The following LRP1B variants were observed in gnomAD, a reference collection of about 807,000 sequenced individuals.
The protein encoded by LRP1B is low-density lipoprotein receptor-related protein 1B.
Under a neutral mutation model 556.6 loss-of-function variants are expected in LRP1B, and 217 were observed. The ratio of observed to expected loss-of-function variants is 0.39; its 90% confidence interval spans 0.35 to 0.44. LRP1B has a LOEUF of 0.44. Ranked by LOEUF, LRP1B falls within the 20% of genes least tolerant of loss-of-function variation. The pLI, the probability that LRP1B is intolerant of heterozygous loss-of-function variation, is 1.00. For missense variants in LRP1B, 5,053 were observed against 5,620.8 expected, an observed-to-expected ratio of 0.90 and a Z score of 3.23; for synonymous variants, 2,047 against 1,865.8, an observed-to-expected ratio of 1.10 and a Z score of -2.50.
intron 27 of LRP1B, among the ~76,000 whole-genome samples, chr2:140,861,761 A>C (rs1336554779): frequency 6.6e-6 from 1 of 152,190 alleles, no homozygotes; most frequent in East Asian, 1.9e-4. Context: ...CTCTCACTAA[A>C]ATTATCACTG....
intron 3 of LRP1B, among the ~76,000 whole-genome samples, chr2:141,426,314 T>G (rs7421489): frequency 0.83 from 126,001 of 151,560 alleles, 52,868 homozygotes; most frequent in East Asian, 1. Flanking sequence ...TGCTGTTTTA[T>G]TTACTGTAGC....
At chr2:141,861,800 G>C (rs951221859) in intron 1 of LRP1B, among the ~76,000 whole-genome samples, 2 of 151,934 alleles carry the variant, frequency 1.3e-5, no homozygotes, top group African/African-American at 2.4e-5. Context: ...CATGATGGCA[G>C]GTGCCTATAG....
chr2:140,547,295 G>A (rs776280991), intron 43 of LRP1B, among the ~76,000 whole-genome samples: 2 of 151,692 alleles, frequency 1.3e-5, no homozygotes, highest in African/African-American at 2.4e-5. Context: ...GGTTTTTTTT[G>A]GTTGGTGGGC....
chr2:140,671,416 G>A (rs576059973), intron 41 of LRP1B, among the ~76,000 whole-genome samples: 2 of 152,310 alleles, frequency 1.3e-5, no homozygotes, highest in Admixed American at 1.3e-4. Context: ...AGCTACTTGG[G>A]AGGCTGAGGC....
chr2:140,599,669 A>G (rs1172230284), intron 42 of LRP1B, among the ~76,000 whole-genome samples: 1 of 152,150 alleles, frequency 6.6e-6, no homozygotes, highest in African/African-American at 2.4e-5. Context: ...AAAACATTTT[A>G]AAAGTTATGC....
chr2:140,657,586 C>CATATTT, intron 41 of LRP1B, among the ~76,000 whole-genome samples: 1 of 145,236 alleles, frequency 6.9e-6, no homozygotes, highest in East Asian at 2.0e-4. Flanking sequence ...CATATATATA[C>CATATTT]ATACATACAT....
intron 82 of LRP1B, among the ~76,000 whole-genome samples, chr2:140,317,146 A>G (rs1159372427): frequency 6.6e-6 from 1 of 152,112 alleles, no homozygotes; most frequent in Non-Finnish European, 1.5e-5. Flanking sequence ...AAGGAATTAC[A>G]ATAGGTAAGT....
chr2:141,730,664 G>A (rs768669719), intron 2 of LRP1B, among the ~76,000 whole-genome samples: 1 of 152,060 alleles, frequency 6.6e-6, no homozygotes, highest in Non-Finnish European at 1.5e-5. Flanking sequence ...TAGTATTTAT[G>A]AGTCAGAGGA....
chr2:140,553,567 C>T (rs767413979), intron 43 of LRP1B, among the ~76,000 whole-genome samples: 1 of 152,012 alleles, frequency 6.6e-6, no homozygotes, highest in Non-Finnish European at 1.5e-5. Context: ...ACATGATTGC[C>T]TAATTTCTAT....
At chr2:140,412,745 G>A (rs1685018629) in intron 66 of LRP1B, among the ~76,000 whole-genome samples, 1 of 151,938 alleles carries the variant, frequency 6.6e-6, no homozygotes, top group Non-Finnish European at 1.5e-5. Context: ...TACATAATCA[G>A]TAAATCATGA....
intron 3 of LRP1B, among the ~76,000 whole-genome samples, chr2:141,463,540 T>A (rs1395860030): frequency 2.6e-5 from 1 of 39,020 alleles, no homozygotes; most frequent in Non-Finnish European, 6.0e-5. Context: ...AATTATATAT[T>A]ATATATAATT....
chr2:140,386,634 A>G (rs1190848845), intron 66 of LRP1B, among the ~76,000 whole-genome samples: 1 of 152,226 alleles, frequency 6.6e-6, no homozygotes. Context: ...AGTATTAACT[A>G]GCCTTTCACT....
At chr2:140,769,171 G>T in intron 35 of LRP1B, 42 bp downstream of exon 35, 1 of 1,560,648 alleles carries the variant, frequency 6.4e-7, no homozygotes, top group Non-Finnish European at 8.8e-7. Flanking sequence ...AATAAATCAA[G>T]TGAATATATT....
chr2:141,933,578 G>T (rs1249260690), intron 1 of LRP1B, among the ~76,000 whole-genome samples: 1 of 152,094 alleles, frequency 6.6e-6, no homozygotes, highest in African/African-American at 2.4e-5. Context: ...AATCTCAATT[G>T]CAAGGAAACT....
intron 7 of LRP1B, among the ~76,000 whole-genome samples, chr2:141,167,732 C>CA (rs1021404223): frequency 6.6e-6 from 1 of 151,852 alleles, no homozygotes; most frequent in Admixed American, 6.6e-5. Flanking sequence ...TTTGATGTCT[C>CA]ATATTCGAGA....
intron 41 of LRP1B, among the ~76,000 whole-genome samples, chr2:140,610,378 A>T (rs116465227): frequency 6.6e-6 from 1 of 152,286 alleles, no homozygotes; most frequent in Non-Finnish European, 1.5e-5. Flanking sequence ...TGTGGAATAA[A>T]TCAATATGTA....
chr2:141,477,027 G>A lies in LRP1B; in HGVS notation c.343+3369C>T, dbSNP rs1223706863. ...AATCCCAGCTACTTGGAAGGCTGAG[G>A]CAGGAGAATCGCTTGAACCTGGGAG... On this transcript the variant is annotated intron_variant, in intron 3 of 90. Coordinates refer to ENST00000389484, the MANE Select transcript of LRP1B (RefSeq NM_018557.3). 2.6e-5 allele frequency among the ~76,000 whole-genome samples: 4 copies of A among 152,064 alleles called. 1 individual carries two copies. Among genetic ancestry groups the A allele is most frequent in the Middle Eastern group, 6.3e-3 (2 of 316 alleles).
chr2:141,263,778 A>G (rs1371421533), intron 3 of LRP1B, among the ~76,000 whole-genome samples: 1 of 152,188 alleles, frequency 6.6e-6, no homozygotes, highest in Admixed American at 6.5e-5. Context: ...AAATCCAGCA[A>G]TATATAAAAG....
chr2:140,713,505 G>A (rs1574271869), intron 37 of LRP1B, among the ~76,000 whole-genome samples: 1 of 151,884 alleles, frequency 6.6e-6, no homozygotes, highest in Non-Finnish European at 1.5e-5. Context: ...TTACAACTTC[G>A]ATAAACTCAC....
Sources: gnomAD v4.1 joint callset for allele counts (sites outside exome capture counted in the v4.1 genomes callset) on GRCh38, gnomAD v4.1.1 for gene constraint, MANE v1.5 for transcripts, NCBI Gene and HGNC (gene_info 2026-07-23, HGNC 2026-07-21) for gene names.